The following SYPL2 variants were observed in gnomAD, a reference collection of about 807,000 sequenced individuals.
SYPL2 encodes the protein synaptophysin like 2.
In SYPL2, 24 loss-of-function variants were observed where a neutral mutation model predicts 31.3. That is an observed-to-expected ratio of 0.77 (90% CI 0.56 to 1.08). The LOEUF is 1.08. SYPL2 is among the 50% of genes least tolerant of loss of function. The probability of loss-of-function intolerance (pLI) is 0.00; values close to 1 mark genes in which losing one functional copy is unlikely to be tolerated. For synonymous variants in SYPL2, 144 were observed against 143.1 expected, an observed-to-expected ratio of 1.01 and a Z score of -0.05; for missense variants, 342 against 360.1, an observed-to-expected ratio of 0.95 and a Z score of 0.41.
chr1:109,479,682 C>A lies in SYPL2; in HGVS notation c.*134C>A. On this transcript the variant is annotated 3_prime_UTR_variant, in exon 6 of 6. Coordinates refer to ENST00000369872, the MANE Select transcript of SYPL2 (RefSeq NM_001040709.2). ...GGTCTTTGAGCTTTGAGACGATGGG[C>A]AGGCATCAGCTGTTGGAAACCTGGG... The A allele has an allele frequency of 1.4e-6, 2 of 1,387,584 alleles. No homozygotes were observed. The highest frequency in any genetic ancestry group is 1.9e-6 in the Non-Finnish European group (2 of 1,032,452). The allele number at this position is 1,387,584 out of a possible 1,614,324, so 86.0% of individuals were successfully genotyped here. A position where few individuals can be genotyped will look rare whatever the true frequency, so the allele number is the denominator to read the frequency against.
Position 109,467,250 on chromosome 1 carries a change from G to C in SYPL2, c.129+117G>C, listed in dbSNP as rs541927617. On this transcript the variant is annotated intron_variant, in intron 2 of 5. Transcript: ENST00000369872. ...GCTGCGGCCGGGCCACGGCGGAAGG[G>C]TGGGGGGCGGCGACAGGTGGGCGGG... 29 of 750,492 alleles carry C rather than the reference G, an allele frequency of 3.9e-5. No individual in the cohort carries two copies. In the East Asian group the frequency reaches 8.4e-4, roughly 22 times the overall value. 46.5% of individuals were successfully genotyped at this position (750,492 alleles called of 1,614,324 possible). A position where few individuals can be genotyped will look rare whatever the true frequency, so the allele number is the denominator to read the frequency against.
chr1:109,467,209 TG>T (rs1309806564), intron 2 of SYPL2, 76 bp downstream of exon 2: 91 of 694,016 alleles, frequency 1.3e-4, no homozygotes, highest in Non-Finnish European at 1.5e-4. Flanking sequence ...GGAGCCAGGG[TG>T]GGGGCTGGGG....
chr1:109,473,725 T>C (rs1655904528), intron 2 of SYPL2, among the ~76,000 whole-genome samples: 1 of 151,936 alleles, frequency 6.6e-6, no homozygotes, highest in African/African-American at 2.4e-5. Context: ...AACCCGTCTC[T>C]ACTAAAAAAA....
At position 109,466,601 on chromosome 1, in the gene SYPL2, G is replaced by A. The variant is rs934901064; in HGVS notation, c.-243G>A. ...ACAGAAGTTTGAATCCGAGTCGGGG[G>A]CTTTCTGCTGCCGGCGGGGCACCGC... On this transcript the variant is annotated 5_prime_UTR_variant, in exon 1 of 6. Coordinates refer to ENST00000369872, the MANE Select transcript of SYPL2 (RefSeq NM_001040709.2). 2 of 407,178 alleles carry A rather than the reference G, an allele frequency of 4.9e-6. No individual in the cohort carries two copies. The highest frequency in any genetic ancestry group is 4.2e-5 in the African/African-American group (2 of 47,594). 25.2% of individuals were successfully genotyped at this position (407,178 alleles called of 1,614,324 possible). A position where few individuals can be genotyped will look rare whatever the true frequency, so the allele number is the denominator to read the frequency against.
At chr1:109,469,276 T>C (rs1189125425) in intron 2 of SYPL2, among the ~76,000 whole-genome samples, 88 of 152,202 alleles carry the variant, frequency 5.8e-4, no homozygotes. Flanking sequence ...TGAGAACTTT[T>C]GTTGTCATTA....
rs572729910 is a variant in SYPL2, at chr1:109,479,599, C to G, written c.*51C>G. On this transcript the variant is annotated 3_prime_UTR_variant, in exon 6 of 6. Transcript: ENST00000369872. ...AACTGGACAGCACCTCTTCAACCAC[C>G]TCCGGCTTCCAGGACCTTTCTCTTC... 22 of 1,580,992 alleles carry G rather than the reference C, an allele frequency of 1.4e-5. No individual in the cohort carries two copies. The East Asian group carries it at 4.8e-4, about 34-fold the overall frequency.
chr1:109,477,472 G>A (rs747470544), intron 4 of SYPL2, among the ~76,000 whole-genome samples: 4 of 152,180 alleles, frequency 2.6e-5, no homozygotes, highest in Non-Finnish European at 5.9e-5. Context: ...TCTGCCACTT[G>A]TATCTGAGCA....
intron 3 of SYPL2, among the ~76,000 whole-genome samples, chr1:109,476,364 T>C (rs191985539): frequency 1.3e-5 from 2 of 152,330 alleles, no homozygotes; most frequent in East Asian, 3.9e-4. Flanking sequence ...CAATAAAGCC[T>C]GAGAATGGGT....
chr1:109,476,660 T>C, intron 3 of SYPL2, 116 bp from the exon 4 acceptor site: 1 of 1,055,612 alleles, frequency 9.5e-7, no homozygotes, highest in Non-Finnish European at 1.4e-6. Context: ...CCTCCTTACA[T>C]GACCCCTTTC....
Position 109,477,833 on chromosome 1 carries a change from G to C in SYPL2, c.472G>C (p.Val158Leu), listed in dbSNP as rs1388138348. ...RFPLVDFCVT[V>L]SFTFFWLVAA... ...CTCCTCCCAGGACTTCTGTGTGACT[G>C]TCTCCTTCACCTTCTTCTGGCTGGT... The change falls in exon 5 of 6, where the codon GTC (valine) becomes CTC (leucine). Residue 158 changes from valine to leucine, a missense_variant. Transcript: ENST00000369872. 1 of 1,609,756 alleles carries C rather than the reference G, an allele frequency of 6.2e-7. No individual in the cohort carries two copies.
At chr1:109,469,982 CT>C (rs1231828334) in intron 2 of SYPL2, among the ~76,000 whole-genome samples, 82 of 145,160 alleles carry the variant, frequency 5.6e-4, no homozygotes, top group South Asian at 6.6e-4. Context: ...AATATCAAAT[CT>C]TTTTTTTTTT....
intron 4 of SYPL2, 78 bp from the exon 5 acceptor site, chr1:109,477,740 T>G (rs1656043640): frequency 6.5e-7 from 1 of 1,529,952 alleles, no homozygotes; most frequent in African/African-American, 1.4e-5. Flanking sequence ...GGATTGCCAG[T>G]ATCATGGCAA....
intron 2 of SYPL2, among the ~76,000 whole-genome samples, chr1:109,474,543 G>A (rs1655940610): frequency 6.6e-6 from 1 of 151,950 alleles, no homozygotes; most frequent in Admixed American, 6.6e-5. Context: ...GTTTCACCAT[G>A]TTGGCCAGGT....
Position 109,475,612 on chromosome 1 carries a change from G to C in SYPL2, c.161G>C (p.Gly54Ala). 1 of 1,614,098 alleles carries C rather than the reference G, an allele frequency of 6.2e-7. No homozygotes were observed. Among genetic ancestry groups the C allele is most frequent in the Non-Finnish European group, 8.5e-7 (1 of 1,179,986 alleles). ...LFAIFAFGSC[G>A]SYSGETGAMV... is the part of the protein sequence containing the mutation. ...GCTATTTTCGCCTTCGGGTCCTGTG[G>C]CTCCTACAGCGGGGAGACAGGAGCA... Residue 54 changes from glycine to alanine, a missense_variant, in exon 3 of 6, where the codon GGC (glycine) becomes GCC (alanine). Physicochemically the swap from Gly to Ala is moderately conservative, Grantham distance 60. Transcript: ENST00000369872.
Position 109,466,865 on chromosome 1 carries a change from G to A in SYPL2, c.22G>A (p.Gly8Ser), listed in dbSNP as rs573471591. 45 of 1,528,546 alleles carry A rather than the reference G, an allele frequency of 2.9e-5. No homozygotes were observed. In the African/African-American group the frequency reaches 3.9e-4, roughly 13 times the overall value. The allele number at this position is 1,528,546 out of a possible 1,614,324, so 94.7% of individuals were successfully genotyped here. Residue 8 changes from glycine (G) to serine (S), a missense_variant, in exon 1 of 6, where the codon GGC (glycine) becomes AGC (serine). By Grantham distance (56) the Gly-to-Ser change is moderately conservative. Coordinates refer to ENST00000369872, the MANE Select transcript of SYPL2 (RefSeq NM_001040709.2). MSSTESA[G>S]RTADKSPRQQ... ...CAGCATGTCCTCGACCGAGAGCGCC[G>A]GCCGCACGGCGGACAAGTCGCCGCG...
chr1:109,476,357 T>C (rs1232053801), intron 3 of SYPL2, among the ~76,000 whole-genome samples: 1 of 152,194 alleles, frequency 6.6e-6, no homozygotes, highest in African/African-American at 2.4e-5. Flanking sequence ...GAAAGCCCAA[T>C]AAAGCCTGAG....
rs906124992 is a variant in SYPL2, at chr1:109,480,732, CT to C, written c.*1185del. On this transcript the variant is annotated 3_prime_UTR_variant, in exon 6 of 6. Coordinates refer to ENST00000369872, the MANE Select transcript of SYPL2 (RefSeq NM_001040709.2). ...CTTCCCTTGCTGTCCCATTTCTCCC[CT>C]GTGTCCTTATTTCTCCCAGTCTCTA... 1.3e-5 allele frequency: 2 copies of C among 152,728 alleles called. No homozygotes were observed. Among genetic ancestry groups the C allele is most frequent in the African/African-American group, 4.8e-5 (2 of 41,432 alleles). The allele number at this position is 152,728 out of a possible 1,614,324, so 9.5% of individuals were successfully genotyped here.
rs1296419165 is a variant in SYPL2, at chr1:109,475,447, A to G, written c.130-134A>G. ...AAGCCATGGGTTTCTACCTAGGAAG[A>G]ACTTGATTAAAGGGGATCCTCACTC... is the stretch of plus-strand genomic sequence containing the variant. On this transcript the variant is annotated intron_variant, in intron 2 of 5. Coordinates refer to ENST00000369872, the MANE Select transcript of SYPL2 (RefSeq NM_001040709.2). 2.9e-5 allele frequency: 37 copies of G among 1,258,198 alleles called. No individual in the cohort carries two copies. In the East Asian group the frequency reaches 8.9e-4, roughly 30 times the overall value. 77.9% of individuals were successfully genotyped at this position (1,258,198 alleles called of 1,614,324 possible). A position where few individuals can be genotyped will look rare whatever the true frequency, so the allele number is the denominator to read the frequency against.
In SYPL2 at chr1:109,481,144, G is replaced by A. The variant is rs1330118804; in HGVS notation, c.*1596G>A. On this transcript the variant is annotated 3_prime_UTR_variant, in exon 6 of 6. Coordinates refer to ENST00000369872, the MANE Select transcript of SYPL2 (RefSeq NM_001040709.2). Reference sequence around the variant, plus strand: ...ACATGTGCATTACTGGGGTACCTAGGAGTCAGGACTTTTGACTTCAGGCCA... The same window carrying A: ...ACATGTGCATTACTGGGGTACCTAGAAGTCAGGACTTTTGACTTCAGGCCA... 6.5e-6 allele frequency: 1 copy of A among 152,690 alleles called. No homozygotes were observed. Among genetic ancestry groups the A allele is most frequent in the East Asian group, 1.9e-4 (1 of 5,202 alleles). The allele number at this position is 152,690 out of a possible 1,614,324, so 9.5% of individuals were successfully genotyped here.
Sources: gnomAD v4.1 joint callset for allele counts (sites outside exome capture counted in the v4.1 genomes callset) on GRCh38, gnomAD v4.1.1 for gene constraint, MANE v1.5 for transcripts, NCBI Gene and HGNC (gene_info 2026-07-23, HGNC 2026-07-21) for gene names.